The following PCDH15 variants were observed in gnomAD, a reference collection of about 807,000 sequenced individuals.
The protein encoded by PCDH15 is protocadherin related 15.
In PCDH15, 129 loss-of-function variants were observed where a neutral mutation model predicts 178.5. The ratio of observed to expected loss-of-function variants is 0.72; its 90% confidence interval spans 0.63 to 0.84. The LOEUF is 0.84. PCDH15 is among the 40% of genes least tolerant of loss of function. The probability of loss-of-function intolerance (pLI) is 0.00; values close to 1 mark genes in which losing one functional copy is unlikely to be tolerated. For synonymous variants in PCDH15, 800 were observed against 732.0 expected (o/e 1.09, Z -1.50); for missense variants, 2,230 against 2,099.9 (o/e 1.06, Z -1.21).
chr10:55,195,433 G>C (rs1195686195), intron 1 of PCDH15, among the ~76,000 whole-genome samples: 1 of 148,152 alleles, frequency 6.7e-6, no homozygotes, highest in Non-Finnish European at 1.5e-5. Flanking sequence ...ACGAGGTCAG[G>C]AGTTCAAGAT....
chr10:54,345,469 C>T (rs925795772), intron 6 of PCDH15, among the ~76,000 whole-genome samples: 9 of 151,572 alleles, frequency 5.9e-5, no homozygotes, highest in African/African-American at 2.2e-4. Context: ...TTGGGGGGCC[C>T]GTGGGATTTT....
At chr10:54,434,412 G>A (rs1010316554) in intron 3 of PCDH15, among the ~76,000 whole-genome samples, 1 of 152,118 alleles carries the variant, frequency 6.6e-6, no homozygotes, top group African/African-American at 2.4e-5. Context: ...CCTTGCATTG[G>A]TGTACCACTG....
chr10:54,935,467 G>A (rs1243966632), intron 2 of PCDH15, among the ~76,000 whole-genome samples: 3 of 152,078 alleles, frequency 2.0e-5, no homozygotes, highest in African/African-American at 7.2e-5. Context: ...TAGTTTGGTT[G>A]CTTAAAATAT....
chr10:55,424,033 T>C (rs972894533), intron 2 of PCDH15, among the ~76,000 whole-genome samples: 1 of 152,066 alleles, frequency 6.6e-6, no homozygotes, highest in Non-Finnish European at 1.5e-5. Context: ...GTCTAATATC[T>C]CAAACTATTT....
chr10:54,686,380 A>G (rs2095008238), intron 1 of PCDH15, among the ~76,000 whole-genome samples: 1 of 152,146 alleles, frequency 6.6e-6, no homozygotes, highest in Non-Finnish European at 1.5e-5. Context: ...AAAGCATTAA[A>G]TAAGGAATGC....
rs1395085843 is a variant in PCDH15 at position 54,571,908 on chromosome 10, T to C, written c.92-44031A>G. On this transcript the variant is annotated intron_variant, in intron 2 of 37. Coordinates refer to ENST00000644397, the MANE Select transcript of PCDH15 (RefSeq NM_001384140.1). ...AATGATGGCAGGACTTCTCAGAAGG[T>C]TGGAAAATGGAGGGTGTGAGTTGAA... Among the ~76,000 whole-genome samples, 32 of 152,062 alleles carry C rather than the reference T, an allele frequency of 2.1e-4. 1 individual carries two copies. The highest frequency in any genetic ancestry group is 1.8e-3 in the Admixed American group (28 of 15,248).
chr10:55,346,509 C>A (rs1259287639), intron 2 of PCDH15, among the ~76,000 whole-genome samples: 5 of 152,020 alleles, frequency 3.3e-5, no homozygotes, highest in Admixed American at 6.6e-5. Flanking sequence ...TAGAATGAAA[C>A]CTCCTTTAGA....
Position 54,462,512 on chromosome 10 carries a change from C to CTTTTTTT in PCDH15, c.157+65293_157+65299dup, listed in dbSNP as rs562731025. ...TTTCTTTTCTTTTTCTTTTTCTTTT[C>CTTTTTTT]TTTTTTTTTTTTTTTTTTTTGAGAT... On this transcript the variant is annotated intron_variant, in intron 3 of 37. Transcript: ENST00000644397. Among the ~76,000 whole-genome samples, 210 of 66,882 alleles carry CTTTTTTT rather than the reference C, an allele frequency of 3.1e-3. 11 individuals are homozygous for CTTTTTTT. The highest frequency in any genetic ancestry group is 0.014 in the African/African-American group (194 of 13,564). The allele number at this position is 66,882 out of a possible 152,430, so 43.9% of individuals were successfully genotyped here. A position where few individuals can be genotyped will look rare whatever the true frequency, so the allele number is the denominator to read the frequency against.
intron 27 of PCDH15, among the ~76,000 whole-genome samples, chr10:53,859,518 C>T (rs2078967117): frequency 6.6e-6 from 1 of 152,078 alleles, no homozygotes; most frequent in Non-Finnish European, 1.5e-5. Context: ...CCTTTTCTGG[C>T]TGACAGACTG....
chr10:54,737,887 A>G (rs1427068395), intron 1 of PCDH15, among the ~76,000 whole-genome samples: 3 of 152,054 alleles, frequency 2.0e-5, no homozygotes, highest in Non-Finnish European at 2.9e-5. Context: ...AAGCAAAATA[A>G]ATATCTATGC....
intron 3 of PCDH15, among the ~76,000 whole-genome samples, chr10:54,395,821 T>C (rs1054813991): frequency 6.6e-6 from 1 of 152,188 alleles, no homozygotes; most frequent in Admixed American, 6.5e-5. Context: ...TTAAGTCCCA[T>C]AAATATATCT....
chr10:54,872,978 G>C (rs969887280), intron 3 of PCDH15, among the ~76,000 whole-genome samples: 47 of 151,762 alleles, frequency 3.1e-4, no homozygotes, highest in African/African-American at 1.0e-3. Flanking sequence ...AATGTTCTAA[G>C]ACCCCTCTAC....
At chr10:55,146,766 T>A (rs1396843873) in intron 2 of PCDH15, among the ~76,000 whole-genome samples, 2 of 151,876 alleles carry the variant, frequency 1.3e-5, no homozygotes, top group East Asian at 3.8e-4. Flanking sequence ...GTTTATGAGA[T>A]GTATAAATAT....
At chr10:55,069,703 G>T (rs1591876497) in intron 2 of PCDH15, among the ~76,000 whole-genome samples, 1 of 143,216 alleles carries the variant, frequency 7.0e-6, no homozygotes, top group Non-Finnish European at 1.5e-5. Context: ...TTGGTTCCAA[G>T]TCTTTGCTAT....
rs561902641 is a variant in PCDH15, at chr10:54,857,376, A to G, written c.-29+40074T>C. ...TCATTTAATAATGGCTGAATCAGAA[A>G]TAAAATATAAAATACTTAAATCTTA... On this transcript the variant is annotated intron_variant, in intron 3 of 5. Coordinates refer to the PCDH15 transcript ENST00000458638. Among the ~76,000 whole-genome samples, 4 of 152,330 alleles carry G rather than the reference A, an allele frequency of 2.6e-5. No homozygotes were observed. In the South Asian group the frequency reaches 8.3e-4, roughly 32 times the overall value.
intron 2 of PCDH15, among the ~76,000 whole-genome samples, chr10:55,050,952 T>C (rs1841146987): frequency 6.6e-6 from 1 of 152,106 alleles, no homozygotes; most frequent in African/African-American, 2.4e-5. Context: ...TATGAAGTGC[T>C]TTTCCATAAT....
At chr10:54,782,792 T>G (rs1047743176) in intron 1 of PCDH15, among the ~76,000 whole-genome samples, 13 of 152,076 alleles carry the variant, frequency 8.5e-5, no homozygotes, top group African/African-American at 3.1e-4. Context: ...CCAATATCTT[T>G]CTCTCCAGCA....
chr10:54,329,616 A>G lies in PCDH15; in HGVS notation c.685T>C (p.Phe229Leu), dbSNP rs1430402951. 6.3e-7 allele frequency: 1 copy of G among 1,598,568 alleles called. No homozygotes were observed. Among genetic ancestry groups the G allele is most frequent in the Admixed American group, 1.7e-5 (1 of 59,894 alleles). ...CTCACATTAGCTTGGATTATGACAA[A>G]GTAGCGAGTCTTATCTTCATAGTTG... ...RLNYEDKTRY[F>L]VIIQANDRAQ... Residue 229 changes from phenylalanine to leucine, a missense_variant, in exon 7 of 38, where the codon TTT becomes CTT. Transcript: ENST00000644397.
intron 10 of PCDH15, among the ~76,000 whole-genome samples, chr10:54,208,318 T>C (rs1347483930): frequency 6.6e-6 from 1 of 152,050 alleles, no homozygotes. Context: ...TATTATATTA[T>C]TTAGTAACCT....
Sources: gnomAD v4.1 joint callset for allele counts (sites outside exome capture counted in the v4.1 genomes callset) on GRCh38, gnomAD v4.1.1 for gene constraint, MANE v1.5 for transcripts, NCBI Gene and HGNC (gene_info 2026-07-23, HGNC 2026-07-21) for gene names.